SLA: variants seen among roughly 807,000 people sequenced by gnomAD.
The protein encoded by SLA is src-like-adapter.
Under a neutral mutation model 30.3 loss-of-function variants are expected in SLA, and 16 were observed. The observed-to-expected ratio is 0.53, with a 90% CI of 0.36 to 0.80. The LOEUF (loss-of-function observed/expected upper bound fraction) is 0.80. Ranked by LOEUF, SLA falls within the 30% of genes least tolerant of loss-of-function variation. The pLI is 0.01. For missense variants in SLA, 310 were observed against 345.2 expected, an observed-to-expected ratio of 0.90 and a Z score of 0.81; for synonymous variants, 143 against 137.8, an observed-to-expected ratio of 1.04 and a Z score of -0.26.
intron 6 of SLA, chr8:133,047,095 T>C (rs1839564872): frequency 6.6e-6 from 1 of 152,242 alleles, no homozygotes. Context: ...TCTCATGGTC[T>C]AGATCAGGGA....
chr8:133,049,878 C>A, intron 5 of SLA, 24 bp downstream of exon 5: 1 of 1,460,874 alleles, frequency 6.8e-7, no homozygotes, highest in Non-Finnish European at 9.6e-7. Flanking sequence ...TGCTTAATTG[C>A]TGCCATTTGA....
intron 8 of SLA, among the ~76,000 whole-genome samples, chr8:133,039,282 G>C (rs939222783): frequency 1.3e-5 from 2 of 152,212 alleles, no homozygotes; most frequent in African/African-American, 4.8e-5. Context: ...TTTGTGGGCT[G>C]TGTGATCTTG....
chr8:133,057,248 CAG>C (rs1841610762), intron 3 of SLA, among the ~76,000 whole-genome samples: 1 of 152,092 alleles, frequency 6.6e-6, no homozygotes, highest in South Asian at 2.1e-4. Flanking sequence ...AGCAGAGAGA[CAG>C]AGTGCTCATT....
chr8:133,096,989 G>GGCTGAGCACAT (rs1267102572), intron 1 of SLA, among the ~76,000 whole-genome samples: 1 of 152,218 alleles, frequency 6.6e-6, no homozygotes, highest in Non-Finnish European at 1.5e-5. Context: ...CCCTGGAAGA[G>GGCTGAGCACAT]GCTGAGCACA....
intron 2 of SLA, 121 bp from the exon 3 acceptor site, chr8:133,060,321 C>CT (rs1471572091): frequency 6.4e-7 from 1 of 1,557,054 alleles, no homozygotes; most frequent in Non-Finnish European, 8.7e-7. Flanking sequence ...TGAAAGGCGG[C>CT]TGTTTATATG....
At position 133,087,837 on chromosome 8, in the gene SLA, C is replaced by T. The variant is rs567294832; in HGVS notation, c.-318-12707G>A. 36 of 152,264 alleles carry T rather than the reference C, an allele frequency of 2.4e-4. No homozygotes were observed. The Middle Eastern group carries it at 0.01, about 43-fold the overall frequency. 9.4% of individuals were successfully genotyped at this position (152,264 alleles called of 1,614,324 possible). A position where few individuals can be genotyped will look rare whatever the true frequency, so the allele number is the denominator to read the frequency against. On this transcript the variant is annotated intron_variant, in intron 1 of 8. Coordinates refer to ENST00000338087, the MANE Select transcript of SLA (RefSeq NM_001045556.3). The stretch of plus-strand genomic sequence containing the variant: ...GCCTGTGAATGTCACGTGACCTCCT[C>T]CAGCTGTTGAGACAGCACGGAATCA...
chr8:133,041,795 T>TG (rs201711608), intron 7 of SLA, among the ~76,000 whole-genome samples: 4,996 of 150,338 alleles, frequency 0.033, 130 homozygotes, highest in Middle Eastern at 0.054. Context: ...TTTTTTTTTT[T>TG]TTTTTTTTTT....
At chr8:133,054,017 C>T (rs142811615) in intron 3 of SLA, among the ~76,000 whole-genome samples, 1 of 152,164 alleles carries the variant, frequency 6.6e-6, no homozygotes, top group Non-Finnish European at 1.5e-5. Flanking sequence ...TTGGCTTGTA[C>T]TTCTGTGGGG....
At chr8:133,043,944 G>A (rs1838804870) in intron 7 of SLA, among the ~76,000 whole-genome samples, 1 of 152,162 alleles carries the variant, frequency 6.6e-6, no homozygotes. Flanking sequence ...TGTTCCGCTG[G>A]GTAAAAGTGG....
chr8:133,042,360 A>G (rs1215349221), intron 7 of SLA, among the ~76,000 whole-genome samples: 1 of 151,912 alleles, frequency 6.6e-6, no homozygotes, highest in Non-Finnish European at 1.5e-5. Context: ...GGGTTCCTAG[A>G]CCCTCAAGGT....
At chr8:133,088,584 G>A (rs567291487) in intron 1 of SLA, among the ~76,000 whole-genome samples, 100 of 152,236 alleles carry the variant, frequency 6.6e-4, no homozygotes, top group South Asian at 2.9e-3. Flanking sequence ...AAATGATGTG[G>A]CCCTTAGAAG....
chr8:133,068,912 C>A (rs1199876463), intron 2 of SLA, among the ~76,000 whole-genome samples: 1 of 152,262 alleles, frequency 6.6e-6, no homozygotes, highest in Non-Finnish European at 1.5e-5. Flanking sequence ...CTGACAAAAC[C>A]AGGCTATAAA....
chr8:133,050,513 C>T (rs974795754), intron 4 of SLA: 1 of 317,858 alleles, frequency 3.1e-6, no homozygotes, highest in African/African-American at 2.1e-5. Context: ...TCCTACATAA[C>T]ATCAACACTG....
intron 1 of SLA, among the ~76,000 whole-genome samples, chr8:133,078,907 C>CA (rs1412109555): frequency 6.6e-6 from 1 of 152,148 alleles, no homozygotes; most frequent in African/African-American, 2.4e-5. Context: ...AGGAGACAGA[C>CA]ACACATATCA....
At position 133,038,405 on chromosome 8, in the gene SLA, CTTGGCTTCTA is replaced by C; in HGVS notation, c.*109_*118del. On this transcript the variant is annotated 3_prime_UTR_variant, in exon 9 of 9. Transcript: ENST00000338087. ...GAATTTGAGTCTCCATGTGGCTTCT[CTTGGCTTCTA>C]AAATACGTGAGGCTCCCAGGGATCA... 1.3e-6 allele frequency: 1 copy of C among 779,166 alleles called. No homozygotes were observed. The highest frequency in any genetic ancestry group is 2.2e-6 in the Non-Finnish European group (1 of 454,088). The allele number at this position is 779,166 out of a possible 1,614,324, so 48.3% of individuals were successfully genotyped here.
chr8:133,059,279 A>G, intron 3 of SLA: 1 of 375,588 alleles, frequency 2.7e-6, no homozygotes, highest in Non-Finnish European at 5.3e-6. Context: ...GGCTTCCCTA[A>G]CCGTCCCTTT....
chr8:133,056,399 G>T (rs983303979), intron 3 of SLA, among the ~76,000 whole-genome samples: 1 of 152,154 alleles, frequency 6.6e-6, no homozygotes, highest in African/African-American at 2.4e-5. Flanking sequence ...CCCCTTGCTA[G>T]GGCACTTGAT....
chr8:133,041,224 C>A (rs976537394), intron 7 of SLA, among the ~76,000 whole-genome samples: 9 of 152,212 alleles, frequency 5.9e-5, no homozygotes, highest in Admixed American at 4.6e-4. Context: ...GCCAATCCAC[C>A]ACCAGGTTTT....
At chr8:133,049,687 T>C in intron 5 of SLA, 1 of 555,222 alleles carries the variant, frequency 1.8e-6, no homozygotes, top group Non-Finnish European at 3.2e-6. Flanking sequence ...CCAACTTCCT[T>C]CATTTTACTG....
Sources: gnomAD v4.1 joint callset for allele counts (sites outside exome capture counted in the v4.1 genomes callset) on GRCh38, gnomAD v4.1.1 for gene constraint, MANE v1.5 for transcripts, NCBI Gene and HGNC (gene_info 2026-07-23, HGNC 2026-07-21) for gene names.